The following CNTNAP2 variants were observed in gnomAD, a reference collection of about 807,000 sequenced individuals.
The protein encoded by CNTNAP2 is contactin-associated protein-like 2.
A neutral mutation model predicts 155.2 loss-of-function variants in CNTNAP2; 98 were observed. That is an observed-to-expected ratio of 0.63 (90% CI 0.54 to 0.75). CNTNAP2 has a LOEUF of 0.75. Among genes scored for constraint, CNTNAP2 ranks in the 30% least tolerant of loss-of-function variants. CNTNAP2 has a pLI of 0.00. For synonymous variants in CNTNAP2, 651 were observed against 631.2 expected, an observed-to-expected ratio of 1.03 and a Z score of -0.47; for missense variants, 1,727 against 1,688.1, an observed-to-expected ratio of 1.02 and a Z score of -0.40.
At chr7:146,603,757 G>T (rs545948891) in intron 1 of CNTNAP2, among the ~76,000 whole-genome samples, 4 of 151,030 alleles carry the variant, frequency 2.6e-5, no homozygotes, top group Admixed American at 2.6e-4. Context: ...ACAGCCCTCA[G>T]AAATAATGCC....
intron 21 of CNTNAP2, among the ~76,000 whole-genome samples, chr7:148,304,642 CTT>C (rs1397867445): frequency 6.6e-6 from 1 of 152,142 alleles, no homozygotes; most frequent in East Asian, 1.9e-4. Flanking sequence ...GCTGAAAAAA[CTT>C]TATCTACAAA....
At chr7:147,726,311 C>T (rs771808042) in intron 13 of CNTNAP2, among the ~76,000 whole-genome samples, 9 of 151,926 alleles carry the variant, frequency 5.9e-5, no homozygotes, top group African/African-American at 2.2e-4. Context: ...GGTGTGGATA[C>T]GTTTATTACC....
chr7:146,633,224 T>G (rs1799538849), intron 1 of CNTNAP2, among the ~76,000 whole-genome samples: 1 of 152,214 alleles, frequency 6.6e-6, no homozygotes, highest in Non-Finnish European at 1.5e-5. Context: ...TACCAAATAC[T>G]TCCACAATTC....
At chr7:146,860,680 A>G (rs1795080569) in intron 3 of CNTNAP2, among the ~76,000 whole-genome samples, 1 of 152,192 alleles carries the variant, frequency 6.6e-6, no homozygotes, top group South Asian at 2.1e-4. Flanking sequence ...GTATTGTCTT[A>G]ACCTAAAGAA....
chr7:148,253,047 T>TAGATAGATAGATAGAC (rs750535843), intron 20 of CNTNAP2, among the ~76,000 whole-genome samples: 3 of 125,558 alleles, frequency 2.4e-5, no homozygotes, highest in African/African-American at 8.6e-5. Flanking sequence ...GATAGATAGA[T>TAGATAGATAGATAGAC]AGACAGATGA....
chr7:147,587,863 A>T (rs1230131480), intron 12 of CNTNAP2, among the ~76,000 whole-genome samples: 1 of 152,100 alleles, frequency 6.6e-6, no homozygotes, highest in East Asian at 1.9e-4. Context: ...TAGGGGAGAA[A>T]ATTGCATTAT....
intron 1 of CNTNAP2, among the ~76,000 whole-genome samples, chr7:146,172,064 AT>A (rs1332752613): frequency 5.1e-5 from 3 of 59,108 alleles, no homozygotes; most frequent in Non-Finnish European, 1.1e-4. Flanking sequence ...TTTGCTTATG[AT>A]TTAAAATATG....
At chr7:146,625,528 G>T (rs1799404180) in intron 1 of CNTNAP2, among the ~76,000 whole-genome samples, 1 of 151,848 alleles carries the variant, frequency 6.6e-6, no homozygotes, top group African/African-American at 2.4e-5. Context: ...TAACAAACTA[G>T]TATTTGTCTG....
intron 1 of CNTNAP2, chr7:146,117,199 C>T (rs1797496675): frequency 3.6e-6 from 2 of 561,498 alleles, no homozygotes; most frequent in South Asian, 4.4e-5. Context: ...GAAAGTTGTT[C>T]CTGGTCTTGG....
intron 13 of CNTNAP2, among the ~76,000 whole-genome samples, chr7:147,900,853 ATGT>A (rs201430552): frequency 0.2 from 30,629 of 152,046 alleles, 3,444 homozygotes; most frequent in Middle Eastern, 0.28. Flanking sequence ...CACTTCCAAT[ATGT>A]TCTGGTTTGC....
intron 4 of CNTNAP2, chr7:147,081,135 G>T (rs1249066199): frequency 6.6e-6 from 1 of 152,100 alleles, no homozygotes; most frequent in Non-Finnish European, 1.5e-5. Context: ...TATTCACAAA[G>T]AAACTGTCTT....
rs115007130 is a variant in CNTNAP2 at position 148,038,693 on chromosome 7, T to G, written c.2383+60704T>G. 6.1e-3 allele frequency among the ~76,000 whole-genome samples: 927 copies of G among 152,188 alleles called. 12 individuals carry two copies. Among genetic ancestry groups the G allele is most frequent in the African/African-American group, 0.021 (870 of 41,526 alleles). ...TTGGATTTATGTAAGAGCTTAAGAGTATTTCCCATGATTTCATTTGATGCC... is the reference window on the plus strand; with the variant it reads ...TTGGATTTATGTAAGAGCTTAAGAGGATTTCCCATGATTTCATTTGATGCC... On this transcript the variant is annotated intron_variant, in intron 15 of 23. Coordinates refer to ENST00000361727, the MANE Select transcript of CNTNAP2 (RefSeq NM_014141.6).
chr7:148,367,645 C>A (rs1168221148), intron 21 of CNTNAP2, among the ~76,000 whole-genome samples: 1 of 151,974 alleles, frequency 6.6e-6, no homozygotes, highest in African/African-American at 2.4e-5. Context: ...CTCTTGTTAT[C>A]CAGAAAACCA....
At chr7:147,098,723 A>G (rs1486996977) in intron 4 of CNTNAP2, among the ~76,000 whole-genome samples, 3 of 152,246 alleles carry the variant, frequency 2.0e-5, no homozygotes, top group East Asian at 3.9e-4. Context: ...TTATTAGTAG[A>G]AAATTTGAGA....
chr7:147,658,688 A>T (rs1473954773), intron 13 of CNTNAP2, among the ~76,000 whole-genome samples: 1 of 152,170 alleles, frequency 6.6e-6, no homozygotes, highest in Non-Finnish European at 1.5e-5. Flanking sequence ...AAATGATAGG[A>T]TTGCAAGTTC....
intron 10 of CNTNAP2, among the ~76,000 whole-genome samples, chr7:147,440,538 C>A (rs550003929): frequency 6.6e-6 from 1 of 152,076 alleles, no homozygotes; most frequent in East Asian, 1.9e-4. Flanking sequence ...TTCTATTTTT[C>A]TGTGTACTTA....
rs573381069 is a variant in CNTNAP2, at chr7:147,548,444, G to T, written c.1778-13694G>T. Among the ~76,000 whole-genome samples the T allele has an allele frequency of 2.0e-5, 3 of 151,908 alleles. No individual in the cohort carries two copies. The South Asian group carries it at 6.2e-4, about 32-fold the overall frequency. On this transcript the variant is annotated intron_variant, in intron 11 of 23. Transcript: ENST00000361727. Reference sequence around the variant, plus strand: ...TGTTCATATTATTTGCCCACTTTTTGATGGGGTTGTTTGATTTTTTCTTAT... The same window carrying T: ...TGTTCATATTATTTGCCCACTTTTTTATGGGGTTGTTTGATTTTTTCTTAT...
chr7:146,504,177 C>G (rs1089453), intron 1 of CNTNAP2, among the ~76,000 whole-genome samples: 1 of 152,198 alleles, frequency 6.6e-6, no homozygotes, highest in South Asian at 2.1e-4. Context: ...TAAGGGAGTT[C>G]TCCTAGCAGG....
At chr7:146,684,666 G>T (rs1012096050) in intron 1 of CNTNAP2, among the ~76,000 whole-genome samples, 5 of 64,290 alleles carry the variant, frequency 7.8e-5, no homozygotes, top group Non-Finnish European at 2.1e-4. Flanking sequence ...AAAAGCTGGA[G>T]GATTTAGCTC....
Sources: gnomAD v4.1 joint callset for allele counts (sites outside exome capture counted in the v4.1 genomes callset) on GRCh38, gnomAD v4.1.1 for gene constraint, MANE v1.5 for transcripts, NCBI Gene and HGNC (gene_info 2026-07-23, HGNC 2026-07-21) for gene names.